Variants in CDK5RAP2 observed in about 807,000 individuals in gnomAD.
CDK5RAP2 encodes CDK5 regulatory subunit-associated protein 2.
A neutral mutation model predicts 232.9 loss-of-function variants in CDK5RAP2; 147 were observed. The ratio of observed to expected loss-of-function variants is 0.63; its 90% CI spans 0.55 to 0.72. The LOEUF (loss-of-function observed/expected upper bound fraction) is 0.72, where lower values mean the gene tolerates loss of function less well. Ranked by LOEUF, CDK5RAP2 falls within the 30% of genes least tolerant of loss-of-function variation. The pLI is 0.00. For missense variants in CDK5RAP2, 2,195 were observed against 2,231.5 expected, an observed-to-expected ratio of 0.98 and a Z score of 0.33; for synonymous variants, 833 against 833.7, an observed-to-expected ratio of 1.00 and a Z score of 0.01.
chr9:120,410,268 G>T (rs958129791), intron 29 of CDK5RAP2, among the ~76,000 whole-genome samples: 1 of 152,102 alleles, frequency 6.6e-6, no homozygotes, highest in Admixed American at 6.5e-5. Context: ...CCTCCCTCAA[G>T]CGCCAGACAC....
At chr9:120,561,538 G>A (rs1236583626) in intron 3 of CDK5RAP2, among the ~76,000 whole-genome samples, 4 of 151,946 alleles carry the variant, frequency 2.6e-5, no homozygotes, top group Admixed American at 1.3e-4. Flanking sequence ...GGGTTCAAGC[G>A]ATCCCCCTGC....
chr9:120,524,999 G>A lies in CDK5RAP2; in HGVS notation c.1079C>T (p.Thr360Ile), dbSNP rs145165171. 1,592 of 1,613,648 alleles carry A rather than the reference G, an allele frequency of 9.9e-4. 3 individuals carry two copies. The highest frequency in any genetic ancestry group is 1.3e-3 in the Non-Finnish European group (1,483 of 1,179,554). ...KAREALQKAQ[T>I]QEFQGSEDYE... ...GTGTACACTTACCTGAAATTCCTGG[G>A]TCTGTGCTTTCTGTAGGGCCTCTCT... The change falls in exon 11 of 38, where the codon ACC (threonine) becomes ATC (isoleucine). Residue 360 changes from threonine to isoleucine, a missense_variant. Transcript: ENST00000349780.
intron 28 of CDK5RAP2, among the ~76,000 whole-genome samples, chr9:120,414,740 G>A (rs1212742418): frequency 1.3e-5 from 2 of 152,178 alleles, no homozygotes; most frequent in South Asian, 2.1e-4. Context: ...GTGATCTTTA[G>A]ACTGGCATGT....
At chr9:120,409,040 G>GT in intron 30 of CDK5RAP2, 87 bp downstream of exon 30, 1 of 1,270,398 alleles carries the variant, frequency 7.9e-7, no homozygotes, top group Middle Eastern at 2.6e-4. Context: ...CACTAAGGCA[G>GT]AGGCCTGCGT....
At chr9:120,507,012 A>G (rs963981404) in intron 12 of CDK5RAP2, among the ~76,000 whole-genome samples, 2 of 152,212 alleles carry the variant, frequency 1.3e-5, no homozygotes, top group Admixed American at 1.3e-4. Flanking sequence ...TATTTTGTGA[A>G]AGGAAGAGTT....
intron 3 of CDK5RAP2, among the ~76,000 whole-genome samples, chr9:120,566,657 C>T (rs1564385927): frequency 6.6e-6 from 1 of 152,218 alleles, no homozygotes; most frequent in Non-Finnish European, 1.5e-5. Flanking sequence ...GAAGTAGGTA[C>T]TGTTATCATG....
chr9:120,497,000 C>G (rs1370290194), intron 12 of CDK5RAP2, among the ~76,000 whole-genome samples: 1 of 136,768 alleles, frequency 7.3e-6, no homozygotes, highest in Non-Finnish European at 1.5e-5. Context: ...ATTGAGAAAT[C>G]GGATGGTTGC....
chr9:120,420,321 T>C (rs1381913160), intron 26 of CDK5RAP2, among the ~76,000 whole-genome samples: 1 of 152,110 alleles, frequency 6.6e-6, no homozygotes, highest in Non-Finnish European at 1.5e-5. Flanking sequence ...GAGGTAGGGA[T>C]TACTATCCTC....
Position 120,440,218 on chromosome 9 carries a change from C to G in CDK5RAP2, c.3149-246G>C, listed in dbSNP as rs2035820881. ...TGTCCTCTTCCTCAGAGTGACTGTT[C>G]TAAAAAGTAATTTTAACCATGATAA... On this transcript the variant is annotated intron_variant, in intron 23 of 37. Transcript: ENST00000349780. 11 of 554,872 alleles carry G rather than the reference C, an allele frequency of 2.0e-5. No individual in the cohort carries two copies. The South Asian group carries it at 2.1e-4, about 11-fold the overall frequency. The allele number at this position is 554,872 out of a possible 1,614,324, so 34.4% of individuals were successfully genotyped here.
At position 120,394,526 on chromosome 9, in the gene CDK5RAP2, A is replaced by C; in HGVS notation, c.5564T>G (p.Val1855Gly). ...CACTCACTCACATTGATCAAAGATG[A>C]CTTTTTCCTGGCGCTTGCTCAGCTG... ...LLQLSKRQEK[V>G]IFDQLVVTHK... The change falls in exon 36 of 38, where the codon GTC becomes GGC. Residue 1855 changes from valine (V) to glycine (G), a missense_variant. Val to Gly is a moderately radical substitution (Grantham distance 109). Coordinates refer to ENST00000349780, the MANE Select transcript of CDK5RAP2 (RefSeq NM_018249.6). 1 of 1,614,166 alleles carries C rather than the reference A, an allele frequency of 6.2e-7. No individual in the cohort carries two copies. The highest frequency in any genetic ancestry group is 1.1e-5 in the South Asian group (1 of 91,082).
rs778459988 is a variant in CDK5RAP2 at position 120,471,829 on chromosome 9, G to C, written c.1777C>G (p.Gln593Glu). The part of the protein sequence containing the change: ...ELNKIFALRK[Q>E]LEQDVLSYQN... ...TATGAAAGCACATCCTGCTCCAGTT[G>C]CTTCCGCAGGGCAAAAATCTTGTTT... The change falls in exon 16 of 38, where the codon CAA (glutamine) becomes GAA (glutamate). Residue 593 changes from glutamine to glutamate, a missense_variant. Coordinates refer to ENST00000349780, the MANE Select transcript of CDK5RAP2 (RefSeq NM_018249.6). 1.9e-6 allele frequency: 3 copies of C among 1,613,464 alleles called. No individual in the cohort carries two copies. In the South Asian group the frequency reaches 3.3e-5, roughly 18 times the overall value.
chr9:120,559,112 T>A (rs1465097374), intron 3 of CDK5RAP2, among the ~76,000 whole-genome samples: 1 of 152,178 alleles, frequency 6.6e-6, no homozygotes, highest in African/African-American at 2.4e-5. Flanking sequence ...AAGGGATTAT[T>A]ATAACCATCT....
chr9:120,439,504 A>G lies in CDK5RAP2; in HGVS notation c.3617T>C (p.Leu1206Pro), dbSNP rs1316487455. The part of the protein sequence containing the change: ...SRVLENLKQQ[L>P]EEQEYKLQKE... ...CTGCAGCTTGTATTCCTGTTCCTCC[A>G]GCTGCTGTTTGAGGTTCTCCAGCAC... is the stretch of plus-strand genomic sequence containing the variant. Residue 1206 changes from leucine to proline, a missense_variant, in exon 24 of 38, where the codon CTG becomes CCG. By Grantham distance (98) the Leu-to-Pro change is moderately conservative. Transcript: ENST00000349780. 1.2e-6 allele frequency: 2 copies of G among 1,614,180 alleles called. No homozygotes were observed. Among genetic ancestry groups the G allele is most frequent in the Admixed American group, 1.7e-5 (1 of 60,028 alleles).
chr9:120,475,610 C>T (rs1227314005), intron 15 of CDK5RAP2, among the ~76,000 whole-genome samples: 1 of 152,110 alleles, frequency 6.6e-6, no homozygotes. Flanking sequence ...CCTCCCCCAA[C>T]ACCACTTGCC....
chr9:120,537,024 G>A (rs2041423643), intron 6 of CDK5RAP2, among the ~76,000 whole-genome samples: 1 of 151,176 alleles, frequency 6.6e-6, no homozygotes, highest in Admixed American at 6.6e-5. Flanking sequence ...AGAGGTCAGA[G>A]AAGCCAACGA....
intron 27 of CDK5RAP2, among the ~76,000 whole-genome samples, chr9:120,418,158 A>C (rs997904456): frequency 6.6e-6 from 1 of 152,232 alleles, no homozygotes; most frequent in Admixed American, 6.5e-5. Context: ...ACACACCAAA[A>C]AAGATGATGG....
chr9:120,580,114 G>A lies in CDK5RAP2; in HGVS notation c.-136C>T. Reference sequence around the variant, plus strand: ...TTGTTCAGACTCTGGCGGCGCCGCTGGAATTCAAACCACAGACGCCGCCAT... The same window carrying A: ...TTGTTCAGACTCTGGCGGCGCCGCTAGAATTCAAACCACAGACGCCGCCAT... On this transcript the variant is annotated 5_prime_UTR_variant, in exon 1 of 38. Transcript: ENST00000349780. 2 of 594,426 alleles carry A rather than the reference G, an allele frequency of 3.4e-6. No individual in the cohort carries two copies. Among genetic ancestry groups the A allele is most frequent in the Non-Finnish European group, 6.1e-6 (2 of 327,188 alleles). The allele number at this position is 594,426 out of a possible 1,614,324, so 36.8% of individuals were successfully genotyped here.
chr9:120,506,422 C>T (rs1468622890), intron 12 of CDK5RAP2, among the ~76,000 whole-genome samples: 2 of 152,224 alleles, frequency 1.3e-5, no homozygotes, highest in African/African-American at 2.4e-5. Flanking sequence ...TGCCTGCTAA[C>T]ACAACATCCA....
chr9:120,504,557 G>T (rs888852100), intron 12 of CDK5RAP2, among the ~76,000 whole-genome samples: 1 of 152,180 alleles, frequency 6.6e-6, no homozygotes, highest in East Asian at 1.9e-4. Flanking sequence ...CCAGTCAGCT[G>T]CAACAGCTTC....
Sources: allele counts gnomAD v4.1 joint callset (sites outside exome capture counted in the v4.1 genomes callset), GRCh38; gene constraint gnomAD v4.1.1; transcripts MANE v1.5; gene names NCBI Gene and HGNC (gene_info 2026-07-23, HGNC 2026-07-21).